Variants in MEI1 observed in about 807,000 individuals in gnomAD.
MEI1 encodes the protein meiosis inhibitor protein 1.
A neutral mutation model predicts 146.2 loss-of-function variants in MEI1; 103 were observed. That is an observed-to-expected ratio of 0.70 (90% CI 0.60 to 0.83). MEI1 has a LOEUF of 0.83. Among genes scored for constraint, MEI1 ranks in the 40% least tolerant of loss-of-function variants. The probability of loss-of-function intolerance (pLI) is 0.00; values close to 1 mark genes in which losing one functional copy is unlikely to be tolerated. For synonymous variants in MEI1, 652 were observed against 628.2 expected, an observed-to-expected ratio of 1.04 and a Z score of -0.57; for missense variants, 1,529 against 1,533.0, an observed-to-expected ratio of 1.00 and a Z score of 0.04.
rs577679970 is a variant in MEI1, at chr22:41,793,679, T to A, written c.3346-150T>A. 9 of 667,704 alleles carry A rather than the reference T, an allele frequency of 1.3e-5. No homozygotes were observed. The East Asian group carries it at 2.4e-4, about 18-fold the overall frequency. The allele number at this position is 667,704 out of a possible 1,614,324, so 41.4% of individuals were successfully genotyped here. On this transcript the variant is annotated intron_variant, in intron 26 of 30. Transcript: ENST00000401548. ...GTATGAGGGTGAGAGATGAAGCCAA[T>A]AAACATTTCTTGATTATCTACAGGG...
At chr22:41,741,942 CAAA>C (rs10544640) in intron 11 of MEI1, among the ~76,000 whole-genome samples, 19 of 116,152 alleles carry the variant, frequency 1.6e-4, no homozygotes, top group Admixed American at 2.7e-4. Context: ...GACTCCATCT[CAAA>C]AAAAAAAAAA....
rs2073472287 is a variant in MEI1 at position 41,748,141 on chromosome 22, T to A, written c.1715T>A (p.Met572Lys). 1.9e-6 allele frequency: 3 copies of A among 1,613,862 alleles called. No individual in the cohort carries two copies. Among genetic ancestry groups the A allele is most frequent in the Non-Finnish European group, 2.5e-6 (3 of 1,179,874 alleles). Residue 572 changes from methionine to lysine, a missense_variant, in exon 15 of 31, where the codon ATG becomes AAG. By Grantham distance (95) the Met-to-Lys change is moderately conservative. This residue lies in a region of MEI1 where 1,212 missense variants were observed against 1,178.9 expected (regional missense o/e 1.03). Transcript: ENST00000401548. ...GAGCAGACCACCCACCCAGCTTTGA[T>A]GGAAGTTTTCCTCTCAATTCTACAT... Reference protein sequence around the residue: ...HLEQTTHPALMEVFLSILHNL... With the variant: ...HLEQTTHPALKEVFLSILHNL...
At position 41,784,738 on chromosome 22, in the gene MEI1, G is replaced by A. The variant is rs375541118; in HGVS notation, c.3300G>A (p.Ser1100=). 3.5e-5 allele frequency: 57 copies of A among 1,612,370 alleles called. No homozygotes were observed. The highest frequency in any genetic ancestry group is 3.3e-4 in the Middle Eastern group (2 of 6,060). The change falls in exon 26 of 31, where the codon TCG becomes TCA. Residue 1100 remains serine (S), a synonymous_variant. Coordinates refer to ENST00000401548, the MANE Select transcript of MEI1 (RefSeq NM_152513.4). ...KDTVLAPLRM[S]QVRSLVIGLQ... is the part of the protein sequence containing the mutation. ...CTGTCCTAGCTCCACTGCGAATGTCGCAAGTCCGGTCCCTGGTCATTGGGC... is the reference window on the plus strand; with the variant it reads ...CTGTCCTAGCTCCACTGCGAATGTCACAAGTCCGGTCCCTGGTCATTGGGC...
chr22:41,732,365 T>C, intron 10 of MEI1, 21 bp downstream of exon 10: 1 of 1,613,380 alleles, frequency 6.2e-7, no homozygotes, highest in Non-Finnish European at 8.5e-7. Context: ...TGGTGGAACA[T>C]GAGGCTTGTA....
At chr22:41,746,060 T>C (rs775039643) in intron 14 of MEI1, 34 bp downstream of exon 14, 2 of 1,542,000 alleles carry the variant, frequency 1.3e-6, no homozygotes, top group South Asian at 2.4e-5. Context: ...AACATGAAGC[T>C]TGGGGAAGAG....
intron 24 of MEI1, among the ~76,000 whole-genome samples, chr22:41,782,273 A>G (rs2075787932): frequency 6.6e-6 from 1 of 152,132 alleles, no homozygotes; most frequent in African/African-American, 2.4e-5. Flanking sequence ...GGGAGTGGTG[A>G]GGTGCTCTGT....
intron 30 of MEI1, among the ~76,000 whole-genome samples, chr22:41,797,608 T>C (rs957225266): frequency 5.9e-4 from 90 of 152,162 alleles, no homozygotes; most frequent in African/African-American, 2.0e-3. Flanking sequence ...CAAGACTCCG[T>C]CTCAAAAAAA....
At chr22:41,791,946 G>C (rs981212393) in intron 26 of MEI1, among the ~76,000 whole-genome samples, 1 of 152,180 alleles carries the variant, frequency 6.6e-6, no homozygotes, top group Admixed American at 6.5e-5. Flanking sequence ...AATTCATGGA[G>C]ACAGAAAGTA....
At chr22:41,764,586 A>G (rs1405450192) in intron 19 of MEI1, among the ~76,000 whole-genome samples, 2 of 152,236 alleles carry the variant, frequency 1.3e-5, no homozygotes, top group Admixed American at 6.5e-5. Flanking sequence ...AAGGGTCCAC[A>G]CTAAGGAACA....
chr22:41,770,904 C>G lies in MEI1; in HGVS notation c.2487C>G (p.Ser829Arg). The part of the protein sequence containing the change: ...TSAGQPALPA[S>R]LVVLFQLLRS... ...CTGGGCAGCCCGCCCTTCCTGCCAG[C>G]TTAGTAGTCCTGTTCCAGTTGCTCA... is the stretch of plus-strand genomic sequence containing the variant. Residue 829 changes from serine to arginine, a missense_variant, in exon 20 of 31, where the codon AGC becomes AGG. This residue lies in a region of MEI1 where 1,212 missense variants were observed against 1,178.9 expected (regional missense o/e 1.03). Coordinates refer to ENST00000401548, the MANE Select transcript of MEI1 (RefSeq NM_152513.4). 2.5e-6 allele frequency: 4 copies of G among 1,614,032 alleles called. No individual in the cohort carries two copies. The highest frequency in any genetic ancestry group is 3.4e-6 in the Non-Finnish European group (4 of 1,179,896).
At chr22:41,701,172 C>T (rs2068699565) in intron 1 of MEI1, among the ~76,000 whole-genome samples, 1 of 151,976 alleles carries the variant, frequency 6.6e-6, no homozygotes, top group Non-Finnish European at 1.5e-5. Flanking sequence ...CTCCCAACCT[C>T]AGGTGATCTG....
chr22:41,724,779 T>C (rs1601756858), intron 7 of MEI1, among the ~76,000 whole-genome samples: 1 of 151,820 alleles, frequency 6.6e-6, no homozygotes, highest in South Asian at 2.1e-4. Flanking sequence ...TGATAGAAAG[T>C]AGATTTCCTT....
intron 17 of MEI1, among the ~76,000 whole-genome samples, chr22:41,755,311 C>T (rs1212120065): frequency 6.6e-6 from 1 of 152,008 alleles, no homozygotes; most frequent in African/African-American, 2.4e-5. Flanking sequence ...GATTCTGTGT[C>T]CTCTCCCCCA....
At chr22:41,744,069 G>C (rs564776023) in intron 12 of MEI1, among the ~76,000 whole-genome samples, 5 of 151,850 alleles carry the variant, frequency 3.3e-5, no homozygotes, top group Admixed American at 3.3e-4. Flanking sequence ...TAGAGACAGG[G>C]TTTCACTGTG....
At chr22:41,714,806 A>G (rs1318814459) in intron 4 of MEI1, among the ~76,000 whole-genome samples, 4 of 152,178 alleles carry the variant, frequency 2.6e-5, no homozygotes, top group South Asian at 4.1e-4. Context: ...GCATGAACCC[A>G]GGAGGTGGAG....
chr22:41,762,186 C>T (rs755468690), intron 18 of MEI1, among the ~76,000 whole-genome samples: 1 of 152,190 alleles, frequency 6.6e-6, no homozygotes, highest in African/African-American at 2.4e-5. Flanking sequence ...GCTACCATTA[C>T]AGGCGTGAGC....
At chr22:41,705,111 A>G (rs2068987390) in intron 2 of MEI1, among the ~76,000 whole-genome samples, 1 of 151,956 alleles carries the variant, frequency 6.6e-6, no homozygotes, top group African/African-American at 2.4e-5. Flanking sequence ...AGCTGCTTTT[A>G]GACTTAGAAT....
intron 21 of MEI1, among the ~76,000 whole-genome samples, chr22:41,777,706 G>T (rs2075527385): frequency 6.6e-6 from 1 of 152,096 alleles, no homozygotes; most frequent in Non-Finnish European, 1.5e-5. Flanking sequence ...ATAAACAACA[G>T]GAATTTATTT....
At chr22:41,744,253 C>T (rs1220044286) in intron 12 of MEI1, among the ~76,000 whole-genome samples, 1 of 152,046 alleles carries the variant, frequency 6.6e-6, no homozygotes, top group Non-Finnish European at 1.5e-5. Flanking sequence ...TCACTGCAAC[C>T]TTCGCCTCCG....
Sources: gnomAD v4.1 joint callset for allele counts (sites outside exome capture counted in the v4.1 genomes callset) on GRCh38, gnomAD v4.1.1 for gene constraint, gnomAD v4.1.1 regional missense constraint, MANE v1.5 for transcripts, NCBI Gene and HGNC (gene_info 2026-07-23, HGNC 2026-07-21) for gene names.